YARS1: variants seen among roughly 807,000 people sequenced by gnomAD.
The protein encoded by YARS1 is tyrosyl-tRNA synthetase 1.
In YARS1, 36 loss-of-function variants were observed where a neutral mutation model predicts 62.2. The observed-to-expected ratio is 0.58, with a 90% CI of 0.44 to 0.76. YARS1 has a LOEUF of 0.76. YARS1 is among the 30% of genes least tolerant of loss of function. The pLI is 0.00. For missense variants in YARS1, 524 were observed against 639.8 expected (o/e 0.82, Z 1.95); for synonymous variants, 234 against 244.9 (o/e 0.96, Z 0.42).
chr1:32,811,116 C>A (rs1638574672), intron 1 of YARS1, 59 bp from the exon 2 acceptor site: 1 of 1,610,752 alleles, frequency 6.2e-7, no homozygotes, highest in Admixed American at 1.7e-5. Context: ...TCATCCTTTA[C>A]CATGTGACAA....
chr1:32,810,723 A>AT lies in YARS1; in HGVS notation c.247dup (p.Met83AsnfsTer16). ...TTCTAGAAGTTCCCATGGGGCTTTC[A>AT]TGTTATCCAGGTATGCGTGGAGGTC... On this transcript the variant is annotated frameshift_variant, in exon 3 of 13. Transcript: ENST00000373477. LOFTEE classifies it high-confidence loss of function. 1.2e-6 allele frequency: 2 copies of AT among 1,614,196 alleles called. No individual in the cohort carries two copies. Among genetic ancestry groups the AT allele is most frequent in the Non-Finnish European group, 1.7e-6 (2 of 1,180,030 alleles).
At chr1:32,814,518 T>C (rs1257631137) in intron 1 of YARS1, among the ~76,000 whole-genome samples, 1 of 152,200 alleles carries the variant, frequency 6.6e-6, no homozygotes, top group Non-Finnish European at 1.5e-5. Context: ...GTCTCCCAAA[T>C]AGCTGGAATT....
chr1:32,789,366 A>G lies in YARS1; in HGVS notation c.684+1796T>C, dbSNP rs188846926. Among the ~76,000 whole-genome samples the G allele has an allele frequency of 7.2e-5, 11 of 152,312 alleles. No individual in the cohort carries two copies. In the East Asian group the frequency reaches 2.1e-3, roughly 29 times the overall value. ...ATTGCTGTCGACAATGTGTGAGGAT[A>G]CTTGTTCACAGCAATCAGCCACACT... On this transcript the variant is annotated intron_variant, in intron 6 of 12. Coordinates refer to ENST00000373477, the MANE Select transcript of YARS1 (RefSeq NM_003680.4).
rs538137948 is a variant in YARS1, at chr1:32,810,768, T to C, written c.205-2A>G. The C allele has an allele frequency of 6.2e-7, 1 of 1,614,192 alleles. No homozygotes were observed. Among genetic ancestry groups the C allele is most frequent in the Non-Finnish European group, 8.5e-7 (1 of 1,180,034 alleles). ...GAGGTCCGCAAACAGAATTGTTACC[T>C]GGACAAGAGATAAGGGGCCACCAAA... On this transcript the variant is annotated splice_acceptor_variant, in intron 2 of 12. Coordinates refer to ENST00000373477, the MANE Select transcript of YARS1 (RefSeq NM_003680.4). LOFTEE classifies it high-confidence loss of function.
chr1:32,815,477 G>A (rs956856247), intron 1 of YARS1, among the ~76,000 whole-genome samples: 1 of 152,122 alleles, frequency 6.6e-6, no homozygotes, highest in Non-Finnish European at 1.5e-5. Context: ...TAGGGGAAGC[G>A]TGCAAAAACC....
intron 1 of YARS1, among the ~76,000 whole-genome samples, chr1:32,814,586 C>T (rs1638656784): frequency 6.6e-6 from 1 of 152,120 alleles, no homozygotes; most frequent in Non-Finnish European, 1.5e-5. Flanking sequence ...GATGGGGTTT[C>T]ACTATGTTGG....
intron 3 of YARS1, among the ~76,000 whole-genome samples, chr1:32,807,691 C>T (rs1638494202): frequency 1.3e-5 from 2 of 152,134 alleles, no homozygotes; most frequent in South Asian, 4.2e-4. Flanking sequence ...CTGCTGGGCT[C>T]GAGCAATCTG....
At chr1:32,797,966 G>T in intron 4 of YARS1, 123 bp from the exon 5 acceptor site, 1 of 765,520 alleles carries the variant, frequency 1.3e-6, no homozygotes, top group South Asian at 1.5e-5. Flanking sequence ...TGCCTCTCAG[G>T]TTCAAGTGAG....
intron 8 of YARS1, 137 bp downstream of exon 8, chr1:32,786,225 G>A: frequency 2.3e-6 from 2 of 859,156 alleles, no homozygotes; most frequent in Non-Finnish European, 3.8e-6. Context: ...ACACTAGTGA[G>A]ATTACCAAAA....
intron 9 of YARS1, chr1:32,781,788 T>A (rs1309268932): frequency 1.2e-5 from 2 of 162,356 alleles, no homozygotes; most frequent in African/African-American, 4.8e-5. Flanking sequence ...ACCGGTTGGG[T>A]ATAATAGGTC....
chr1:32,790,947 T>C, intron 6 of YARS1: 1 of 560,528 alleles, frequency 1.8e-6, no homozygotes, highest in Non-Finnish European at 3.2e-6. Flanking sequence ...TATTTTTTTA[T>C]CAGCAGCAAA....
chr1:32,817,297 G>A lies in YARS1; in HGVS notation c.-53C>T. ...CAGCCCGGCACCAGAGCCCCTTCCT[G>A]GGTCACCGTCGCCGCCGCGTGCCGG... On this transcript the variant is annotated 5_prime_UTR_variant, in exon 1 of 13. Transcript: ENST00000373477. 6.2e-7 allele frequency: 1 copy of A among 1,607,974 alleles called. No individual in the cohort carries two copies. The highest frequency in any genetic ancestry group is 1.3e-5 in the African/African-American group (1 of 74,968).
chr1:32,811,788 G>C (rs1245840819), intron 1 of YARS1: 3 of 152,214 alleles, frequency 2.0e-5, no homozygotes, highest in African/African-American at 7.3e-5. Context: ...TGTAAAGTTG[G>C]TGCTGCTGCT....
Position 32,781,058 on chromosome 1 carries a change from G to A in YARS1, c.1130C>T (p.Thr377Ile). Residue 377 changes from threonine (T) to isoleucine (I), a missense_variant, in exon 10 of 13, where the codon ACT becomes ATT. Thr to Ile is a moderately conservative substitution (Grantham distance 89). Transcript: ENST00000373477. ...GTGAAAAATGAGTACCTTCTCCACA[G>A]TGATGATTTTCCCCACACGGATATC... ...RLDIRVGKII[T>I]VEKHPDADSL... is the part of the protein sequence containing the mutation. 1 of 1,614,184 alleles carries A rather than the reference G, an allele frequency of 6.2e-7. No homozygotes were observed. Among genetic ancestry groups the A allele is most frequent in the Non-Finnish European group, 8.5e-7 (1 of 1,180,006 alleles).
rs559904710 is a variant in YARS1, at chr1:32,816,799, T to C, written c.57+389A>G. ...TCCCTTTAAAGCTCCCAGTATAGCA[T>C]CTTCCAGTACTTACTTGAACCGTAA... On this transcript the variant is annotated intron_variant, in intron 1 of 12. Transcript: ENST00000373477. 1.5e-3 allele frequency: 447 copies of C among 293,714 alleles called. 1 individual carries two copies. Among genetic ancestry groups the C allele is most frequent in the Admixed American group, 3.5e-3 (78 of 22,066 alleles). 18.2% of individuals were successfully genotyped at this position (293,714 alleles called of 1,614,324 possible). A position where few individuals can be genotyped will look rare whatever the true frequency, so the allele number is the denominator to read the frequency against.
rs1439383770 is a variant in YARS1 at position 32,776,891 on chromosome 1, T to G, written c.1477-800A>C. On this transcript the variant is annotated intron_variant, in intron 12 of 12. Transcript: ENST00000373477. The surrounding 1 kb of genome is among the most constrained non-coding windows in gnomAD (Gnocchi z 4.0). Reference sequence around the variant, plus strand: ...CTGAGGCAGGAGAATCACTTGAACCTGAGAGGAGGAGGTTGTGGCGGGCCG... The same window carrying G: ...CTGAGGCAGGAGAATCACTTGAACCGGAGAGGAGGAGGTTGTGGCGGGCCG... 6.6e-6 allele frequency among the ~76,000 whole-genome samples: 1 copy of G among 151,870 alleles called. No homozygotes were observed. Among genetic ancestry groups the G allele is most frequent in the Non-Finnish European group, 1.5e-5 (1 of 67,970 alleles).
At chr1:32,786,262 C>G in intron 8 of YARS1, 100 bp downstream of exon 8, 1 of 1,250,814 alleles carries the variant, frequency 8.0e-7, no homozygotes, top group Non-Finnish European at 1.1e-6. Flanking sequence ...AGGCAGCTCA[C>G]TTTTACACAG....
chr1:32,778,345 TA>T (rs1652936013), intron 12 of YARS1, among the ~76,000 whole-genome samples: 1 of 152,162 alleles, frequency 6.6e-6, no homozygotes, highest in Non-Finnish European at 1.5e-5. Flanking sequence ...ATGAGTGCTC[TA>T]AACTCAAGAT....
intron 4 of YARS1, among the ~76,000 whole-genome samples, chr1:32,804,245 G>C (rs1484810462): frequency 6.6e-6 from 1 of 152,268 alleles, no homozygotes; most frequent in Non-Finnish European, 1.5e-5. Flanking sequence ...TTCTCAACGA[G>C]CTGTTGGGTA....
Sources: gnomAD v4.1 joint callset for allele counts (sites outside exome capture counted in the v4.1 genomes callset) on GRCh38, gnomAD v4.1.1 for gene constraint, Gnocchi (gnomAD v3.1) non-coding constraint, MANE v1.5 for transcripts, NCBI Gene and HGNC (gene_info 2026-07-23, HGNC 2026-07-21) for gene names.